MAGI2: variants seen among roughly 807,000 people sequenced by gnomAD.
MAGI2 encodes membrane associated guanylate kinase, WW and PDZ domain containing 2.
Under a neutral mutation model 133.3 loss-of-function variants are expected in MAGI2, and 35 were observed. That is an observed-to-expected ratio of 0.26 (90% CI 0.20 to 0.35). The LOEUF (loss-of-function observed/expected upper bound fraction) is 0.35, where lower values mean the gene tolerates loss of function less well. MAGI2 is among the 10% of genes least tolerant of loss of function. MAGI2 has a pLI of 1.00. For synonymous variants in MAGI2, 729 were observed against 710.6 expected, an observed-to-expected ratio of 1.03 and a Z score of -0.41; for missense variants, 1,636 against 1,863.4, an observed-to-expected ratio of 0.88 and a Z score of 2.25.
intron 14 of MAGI2, 79 bp from the exon 15 acceptor site, chr7:78,168,187 G>C: frequency 7.5e-7 from 1 of 1,324,770 alleles, no homozygotes; most frequent in Non-Finnish European, 1.0e-6. Context: ...ACAGAGTCTC[G>C]CTTCGTTGCC....
intron 1 of MAGI2, among the ~76,000 whole-genome samples, chr7:79,332,294 T>G (rs1840141212): frequency 6.6e-6 from 1 of 152,246 alleles, no homozygotes; most frequent in South Asian, 2.1e-4. Context: ...AATTGGTCAC[T>G]CTACCACTTT....
rs548401023 is a variant in MAGI2 at position 79,348,058 on chromosome 7, T to C, written c.301+104962A>G. Among the ~76,000 whole-genome samples, 3 of 152,044 alleles carry C rather than the reference T, an allele frequency of 2.0e-5. No homozygotes were observed. The East Asian group carries it at 5.8e-4, about 29-fold the overall frequency. ...ACTCTAAAAATGTAAGTCAAGTATA[T>C]TAAGATATTGCATTTGATAAAAATA... On this transcript the variant is annotated intron_variant, in intron 1 of 21. Transcript: ENST00000354212.
intron 2 of MAGI2, among the ~76,000 whole-genome samples, chr7:78,801,726 A>AT (rs550658104): frequency 4.6e-5 from 7 of 152,090 alleles, no homozygotes; most frequent in Non-Finnish European, 8.8e-5. Flanking sequence ...AGGGACTTCA[A>AT]TTTTTTTAAG....
chr7:78,516,107 A>T (rs905053043), intron 4 of MAGI2, among the ~76,000 whole-genome samples: 1 of 152,112 alleles, frequency 6.6e-6, no homozygotes, highest in African/African-American at 2.4e-5. Context: ...AATAAGAAAA[A>T]TTTTTATTGG....
chr7:78,178,818 G>C (rs1484909690), intron 13 of MAGI2, among the ~76,000 whole-genome samples: 1 of 152,158 alleles, frequency 6.6e-6, no homozygotes, highest in African/African-American at 2.4e-5. Flanking sequence ...GCAAGCCATA[G>C]ATTGACTTTT....
Position 78,635,470 on chromosome 7 carries a change from T to G in MAGI2, c.419-8231A>C, listed in dbSNP as rs117276042. On this transcript the variant is annotated intron_variant, in intron 2 of 21. Transcript: ENST00000354212. The stretch of plus-strand genomic sequence containing the variant: ...TCTATTGTGATCTATTCTGATATAT[T>G]AAAAATTCCATAGTGCTTGCCGCAT... 1.4e-3 allele frequency among the ~76,000 whole-genome samples: 215 copies of G among 152,358 alleles called. 1 individual carries two copies. The highest frequency in any genetic ancestry group is 2.1e-3 in the Non-Finnish European group (144 of 68,036).
chr7:79,363,491 T>C (rs1333375502), intron 1 of MAGI2, among the ~76,000 whole-genome samples: 3 of 150,980 alleles, frequency 2.0e-5, no homozygotes, highest in Non-Finnish European at 4.4e-5. Flanking sequence ...TGGAAAGGCA[T>C]AGCCCCAAAA....
intron 2 of MAGI2, among the ~76,000 whole-genome samples, chr7:78,982,574 C>T (rs1804883131): frequency 6.6e-6 from 1 of 151,694 alleles, no homozygotes; most frequent in Admixed American, 6.6e-5. Context: ...TACTTAAACC[C>T]TCCTTTTGAC....
Position 79,117,925 on chromosome 7 carries a change from A to C in MAGI2, c.302-110719T>G, listed in dbSNP as rs116428685. 8.7e-3 allele frequency among the ~76,000 whole-genome samples: 1,330 copies of C among 152,332 alleles called. 23 individuals are homozygous for C. The highest frequency in any genetic ancestry group is 0.03 in the African/African-American group (1,253 of 41,582). On this transcript the variant is annotated intron_variant, in intron 1 of 21. Coordinates refer to ENST00000354212, the MANE Select transcript of MAGI2 (RefSeq NM_012301.4). ...TCTTACTTAGAGTCAGTAATGTCTC[A>C]TGGCCATATTCAACTATTCACTGCT...
intron 6 of MAGI2, among the ~76,000 whole-genome samples, chr7:78,465,036 C>G (rs546330428): frequency 6.6e-6 from 1 of 152,018 alleles, no homozygotes; most frequent in African/African-American, 2.4e-5. Context: ...AAAAAGTTAC[C>G]TATTATGACA....
chr7:78,892,457 T>G (rs1796844695), intron 2 of MAGI2, among the ~76,000 whole-genome samples: 1 of 152,140 alleles, frequency 6.6e-6, no homozygotes, highest in Non-Finnish European at 1.5e-5. Context: ...GCCGGAGGCA[T>G]CATGCTACCT....
At position 78,735,581 on chromosome 7, in the gene MAGI2, A is replaced by G. The variant is rs564191466; in HGVS notation, c.419-108342T>C. ...AAATTATCCAACAGAGATGACTACA[A>G]TTTTGGATGACTCACACTCTTATAG... On this transcript the variant is annotated intron_variant, in intron 2 of 21. Coordinates refer to ENST00000354212, the MANE Select transcript of MAGI2 (RefSeq NM_012301.4). Among the ~76,000 whole-genome samples, 11 of 152,308 alleles carry G rather than the reference A, an allele frequency of 7.2e-5. No homozygotes were observed. The East Asian group carries it at 1.9e-3, about 27-fold the overall frequency.
intron 6 of MAGI2, among the ~76,000 whole-genome samples, chr7:78,431,814 G>A (rs189743299): frequency 1.3e-5 from 2 of 151,874 alleles, no homozygotes; most frequent in African/African-American, 4.8e-5. Flanking sequence ...TTTTCAAGGT[G>A]TCTCGTAAAT....
At chr7:79,200,203 T>C (rs1476838826) in intron 1 of MAGI2, among the ~76,000 whole-genome samples, 1 of 152,030 alleles carries the variant, frequency 6.6e-6, no homozygotes, top group African/African-American at 2.4e-5. Flanking sequence ...GTTCTCATAT[T>C]CTATGATTCA....
intron 1 of MAGI2, among the ~76,000 whole-genome samples, chr7:79,406,883 A>G (rs1019470208): frequency 6.6e-6 from 1 of 152,148 alleles, no homozygotes; most frequent in Non-Finnish European, 1.5e-5. Context: ...AGAAGTGTCT[A>G]TTAAAGGCAG....
chr7:78,761,229 C>G (rs779011349), intron 2 of MAGI2, among the ~76,000 whole-genome samples: 2 of 152,178 alleles, frequency 1.3e-5, no homozygotes, highest in African/African-American at 4.8e-5. Context: ...AGCGTCATTT[C>G]CCTCTCTTTC....
At chr7:78,444,564 A>G (rs1787944870) in intron 6 of MAGI2, among the ~76,000 whole-genome samples, 1 of 152,086 alleles carries the variant, frequency 6.6e-6, no homozygotes, top group South Asian at 2.1e-4. Context: ...ATTTAGATTC[A>G]TCAAAAAACT....
chr7:78,249,919 T>C (rs1255041338), intron 10 of MAGI2, among the ~76,000 whole-genome samples: 1 of 152,092 alleles, frequency 6.6e-6, no homozygotes, highest in Admixed American at 6.5e-5. Flanking sequence ...ATTTGATACT[T>C]ATACAGCATA....
chr7:78,620,605 G>T (rs575926837), intron 3 of MAGI2, among the ~76,000 whole-genome samples: 8 of 152,090 alleles, frequency 5.3e-5, no homozygotes, highest in African/African-American at 1.9e-4. Flanking sequence ...GTAGGCTCAA[G>T]TCTATGTGTA....
Sources: allele counts gnomAD v4.1 joint callset (sites outside exome capture counted in the v4.1 genomes callset), GRCh38; gene constraint gnomAD v4.1.1; transcripts MANE v1.5; gene names NCBI Gene and HGNC (gene_info 2026-07-23, HGNC 2026-07-21).